Variants in POLQ observed in about 807,000 individuals in gnomAD.
POLQ encodes the protein epididymis secretory sperm binding protein.
POLQ carries 233 observed loss-of-function variants against 259.2 expected under a neutral mutation model. That is an observed-to-expected ratio of 0.90 (90% CI 0.81 to 1.00). The LOEUF is 1.00. POLQ is among the 50% of genes least tolerant of loss of function. POLQ has a pLI of 0.00. For synonymous variants in POLQ, 1,025 were observed against 1,048.8 expected (o/e 0.98, Z 0.44); for missense variants, 2,871 against 3,051.6 (o/e 0.94, Z 1.39).
chr3:121,454,858 A>T (rs892726622), intron 25 of POLQ, among the ~76,000 whole-genome samples: 11 of 152,194 alleles, frequency 7.2e-5, no homozygotes, highest in Non-Finnish European at 2.9e-5. Flanking sequence ...CCAGGAATTG[A>T]ACTCAGCTCT....
At chr3:121,527,226 A>T (rs1440477044) in intron 7 of POLQ, among the ~76,000 whole-genome samples, 1 of 151,930 alleles carries the variant, frequency 6.6e-6, no homozygotes, top group African/African-American at 2.4e-5. Context: ...ACGCCTGGCT[A>T]ATTTTTATAT....
At position 121,516,686 on chromosome 3, in the gene POLQ, A is replaced by T. The variant is rs2048299629; in HGVS notation, c.1468+3185T>A. 2.0e-5 allele frequency among the ~76,000 whole-genome samples: 3 copies of T among 151,936 alleles called. No individual in the cohort carries two copies. The South Asian group carries it at 6.2e-4, about 32-fold the overall frequency. On this transcript the variant is annotated intron_variant, in intron 9 of 29. Transcript: ENST00000264233. Reference sequence around the variant, plus strand: ...CTAGAAGCTTCTAAGTAGTCTATGGAAAGACTGAAGTGTCATCTAAATAAA... The same window carrying T: ...CTAGAAGCTTCTAAGTAGTCTATGGTAAGACTGAAGTGTCATCTAAATAAA...
chr3:121,476,616 A>G lies in POLQ; in HGVS notation c.6329T>C (p.Leu2110Pro). 2 of 1,614,016 alleles carry G rather than the reference A, an allele frequency of 1.2e-6. No individual in the cohort carries two copies. The highest frequency in any genetic ancestry group is 1.7e-6 in the Non-Finnish European group (2 of 1,179,902). The change falls in exon 20 of 30, where the codon CTG becomes CCG. Residue 2110 changes from leucine (L) to proline (P), a missense_variant. Coordinates refer to ENST00000264233, the MANE Select transcript of POLQ (RefSeq NM_199420.4). ...ESQKHIMQAK[L>P]DAIETQAYQL... ...ATAGGCCTGGGTCTCAATTGCATCC[A>G]GCTTGGCTTGCATTATATGTTTCTG...
intron 24 of POLQ, among the ~76,000 whole-genome samples, 172 bp downstream of exon 24, chr3:121,467,347 T>G (rs1442714595): frequency 6.6e-6 from 1 of 152,068 alleles, no homozygotes; most frequent in African/African-American, 2.4e-5. Context: ...ATCATGGAGA[T>G]GATGACTGCT....
At chr3:121,494,793 G>A in intron 14 of POLQ, 1 of 1,488,944 alleles carries the variant, frequency 6.7e-7, no homozygotes, top group Non-Finnish European at 9.3e-7. Context: ...TACAACGACA[G>A]ATAGGATGAG....
At chr3:121,491,346 C>CAAAAAAAAAAAAAAAAAAAAAAA (rs3045625) in intron 15 of POLQ, among the ~76,000 whole-genome samples, 11 of 77,988 alleles carry the variant, frequency 1.4e-4, no homozygotes, top group Non-Finnish European at 1.8e-4. Flanking sequence ...GAGACTGTCA[C>CAAAAAAAAAAAAAAAAAAAAAAA]AAAAAAAAAA....
intron 8 of POLQ, among the ~76,000 whole-genome samples, chr3:121,520,310 T>C (rs1576424845): frequency 2.0e-5 from 3 of 151,950 alleles, no homozygotes; most frequent in South Asian, 4.2e-4. Context: ...CTGAGGCAGG[T>C]GGATCGCTTG....
At chr3:121,500,035 C>T (rs1453454708) in intron 12 of POLQ, among the ~76,000 whole-genome samples, 2 of 152,036 alleles carry the variant, frequency 1.3e-5, no homozygotes, top group Non-Finnish European at 2.9e-5. Context: ...AAAGCCAGCA[C>T]TTTGGGAGGC....
chr3:121,493,941 T>C (rs768722296), intron 14 of POLQ, among the ~76,000 whole-genome samples: 5 of 152,180 alleles, frequency 3.3e-5, no homozygotes, highest in Middle Eastern at 3.2e-3. Flanking sequence ...TTAAATGTCA[T>C]CTTATTTATT....
Position 121,519,977 on chromosome 3 carries a change from T to C in POLQ, c.1362A>G (p.Ala454=), listed in dbSNP as rs779449438. The change falls in exon 9 of 30, where the codon GCA becomes GCG. Residue 454 remains alanine (A), a synonymous_variant. Coordinates refer to ENST00000264233, the MANE Select transcript of POLQ (RefSeq NM_199420.4). ...STLSSGVNLP[A]RRVIIRTPIF... The stretch of plus-strand genomic sequence containing the variant: ...TAGGGGTTCGAATAATCACACGACG[T>C]GCAGGTAAATTCACCCCAGAAGAAA... 4 of 1,612,134 alleles carry C rather than the reference T, an allele frequency of 2.5e-6. No individual in the cohort carries two copies. The Admixed American group carries it at 6.7e-5, about 27-fold the overall frequency.
intron 26 of POLQ, among the ~76,000 whole-genome samples, chr3:121,447,897 T>C (rs1275017514): frequency 6.6e-6 from 1 of 152,238 alleles, no homozygotes; most frequent in African/African-American, 2.4e-5. Flanking sequence ...CCAGACATAT[T>C]GAAGCTCCAT....
chr3:121,441,824 T>C (rs2047594901), intron 26 of POLQ, among the ~76,000 whole-genome samples: 2 of 152,226 alleles, frequency 1.3e-5, no homozygotes, highest in Non-Finnish European at 2.9e-5. Context: ...TTCTCCAAAG[T>C]AGTTTTACCA....
intron 28 of POLQ, among the ~76,000 whole-genome samples, chr3:121,433,981 T>C (rs2047522705): frequency 6.6e-6 from 1 of 152,238 alleles, no homozygotes; most frequent in Non-Finnish European, 1.5e-5. Context: ...CACCTGAGGC[T>C]GCAGCAAGCT....
chr3:121,466,658 C>T (rs1167703290), intron 24 of POLQ, among the ~76,000 whole-genome samples: 1 of 151,460 alleles, frequency 6.6e-6, no homozygotes, highest in African/African-American at 2.4e-5. Flanking sequence ...CCATTGCACT[C>T]CAGCCTGGGC....
chr3:121,519,663 G>A (rs573503331), intron 9 of POLQ, among the ~76,000 whole-genome samples: 15 of 134,092 alleles, frequency 1.1e-4, no homozygotes, highest in Non-Finnish European at 2.0e-4. Context: ...GCGACAGAGC[G>A]AGACTCCGTC....
intron 19 of POLQ, among the ~76,000 whole-genome samples, chr3:121,478,049 C>A (rs943207397): frequency 1.3e-5 from 2 of 152,110 alleles, no homozygotes; most frequent in Middle Eastern, 3.2e-3. Flanking sequence ...GGAAGCTAGC[C>A]TGCATCCATA....
chr3:121,508,593 C>T lies in POLQ; in HGVS notation c.1959+968G>A, dbSNP rs114056092. On this transcript the variant is annotated intron_variant, in intron 12 of 29. Transcript: ENST00000264233. ...TATTTTTAAGGCCATGATAGATGAC[C>T]GGTGAAACCTGCTTTGAGATTCCTC... Among the ~76,000 whole-genome samples the T allele has an allele frequency of 1.4e-3, 219 of 152,262 alleles. 1 individual carries two copies. The highest frequency in any genetic ancestry group is 4.8e-3 in the East Asian group (25 of 5,186).
chr3:121,478,217 A>G (rs989602232), intron 19 of POLQ, among the ~76,000 whole-genome samples: 2 of 152,190 alleles, frequency 1.3e-5, no homozygotes, highest in African/African-American at 2.4e-5. Context: ...CCTTTGATGC[A>G]GAGTAGTGTG....
intron 6 of POLQ, among the ~76,000 whole-genome samples, chr3:121,530,489 T>C (rs2048403517): frequency 6.6e-6 from 1 of 152,088 alleles, no homozygotes; most frequent in Non-Finnish European, 1.5e-5. Context: ...TAAATAAATA[T>C]AAAATACAAC....
Sources: gnomAD v4.1 joint callset for allele counts (sites outside exome capture counted in the v4.1 genomes callset) on GRCh38, gnomAD v4.1.1 for gene constraint, MANE v1.5 for transcripts, NCBI Gene and HGNC (gene_info 2026-07-23, HGNC 2026-07-21) for gene names.